LRPPRC: variants seen among roughly 807,000 people sequenced by gnomAD.
LRPPRC encodes the protein leucine-rich PPR motif-containing protein, mitochondrial.
In LRPPRC, 120 loss-of-function variants were observed where a neutral mutation model predicts 180.3. That is an observed-to-expected ratio of 0.67 (90% CI 0.57 to 0.77). LRPPRC has a LOEUF of 0.77. LRPPRC is among the 30% of genes least tolerant of loss of function. The pLI is 0.00. For missense variants in LRPPRC, 2,012 were observed against 1,657.2 expected, an observed-to-expected ratio of 1.21 and a Z score of -3.72; for synonymous variants, 723 against 600.0, an observed-to-expected ratio of 1.21 and a Z score of -3.00.
At chr2:43,911,123 T>C (rs1056826475) in intron 30 of LRPPRC, among the ~76,000 whole-genome samples, 4 of 147,730 alleles carry the variant, frequency 2.7e-5, no homozygotes, top group African/African-American at 7.6e-5. Context: ...TCCAAGTCAC[T>C]AATTAAGGGT....
At chr2:43,965,307 C>T (rs553821630) in intron 11 of LRPPRC, among the ~76,000 whole-genome samples, 1 of 152,290 alleles carries the variant, frequency 6.6e-6, no homozygotes, top group South Asian at 2.1e-4. Context: ...GATCTGCCCG[C>T]CTCAGCCTCC....
intron 1 of LRPPRC, among the ~76,000 whole-genome samples, 171 bp from the exon 2 acceptor site, chr2:43,982,605 A>T (rs950887905): frequency 6.6e-6 from 1 of 152,246 alleles, no homozygotes. Context: ...TTTACTTTAG[A>T]TAAAATCATA....
intron 12 of LRPPRC, among the ~76,000 whole-genome samples, chr2:43,962,199 G>A (rs12712901): frequency 0.41 from 62,399 of 151,958 alleles, 13,567 homozygotes; most frequent in Non-Finnish European, 0.49. Context: ...ACACTGATCT[G>A]GGGGCTGTAT....
At position 43,896,741 on chromosome 2, in the gene LRPPRC, GT is replaced by G. The variant is rs775882711; in HGVS notation, c.3826-34del. 5 of 1,265,596 alleles carry G rather than the reference GT, an allele frequency of 4.0e-6. No individual in the cohort carries two copies. In the African/African-American group the frequency reaches 7.3e-5, roughly 19 times the overall value. 78.4% of individuals were successfully genotyped at this position (1,265,596 alleles called of 1,614,324 possible). ...TTAAAACATTATTCAGTAAGTGAAGGTTTCTGATAAACAAGTGGATCAAACT... is the reference window on the plus strand; with the variant it reads ...TTAAAACATTATTCAGTAAGTGAAGGTTCTGATAAACAAGTGGATCAAACT... On this transcript the variant is annotated intron_variant, in intron 34 of 37. Transcript: ENST00000260665.
chr2:43,924,078 T>C (rs1671791387), intron 27 of LRPPRC, among the ~76,000 whole-genome samples: 1 of 152,222 alleles, frequency 6.6e-6, no homozygotes, highest in Non-Finnish European at 1.5e-5. Flanking sequence ...AAGTTTAATT[T>C]TATTTACATC....
chr2:43,907,845 TCTGAAATGACAG>T (rs1253213706), intron 30 of LRPPRC, among the ~76,000 whole-genome samples: 3 of 152,188 alleles, frequency 2.0e-5, no homozygotes, highest in Admixed American at 6.5e-5. Flanking sequence ...AATTTATTGC[TCTGAAATGACAG>T]CCTTTCAAAT....
Position 43,982,932 on chromosome 2 carries a change from G to T in LRPPRC, c.150-498C>A, listed in dbSNP as rs568503062. Among the ~76,000 whole-genome samples the T allele has an allele frequency of 2.1e-3, 313 of 145,876 alleles. 1 individual carries two copies. Among genetic ancestry groups the T allele is most frequent in the Non-Finnish European group, 2.4e-3 (159 of 66,050 alleles). Reference sequence around the variant, plus strand: ...AATGTCCAGGCTAAAACGATGCAGGGTTTTTTTTTTTAAGGATCATTTAGG... The same window carrying T: ...AATGTCCAGGCTAAAACGATGCAGGTTTTTTTTTTTTAAGGATCATTTAGG... On this transcript the variant is annotated intron_variant, in intron 1 of 37. Coordinates refer to ENST00000260665, the MANE Select transcript of LRPPRC (RefSeq NM_133259.4).
At chr2:43,995,090 A>G (rs1369917190) in intron 1 of LRPPRC, among the ~76,000 whole-genome samples, 2 of 152,020 alleles carry the variant, frequency 1.3e-5, no homozygotes, top group Non-Finnish European at 2.9e-5. Context: ...AAAGTACAAA[A>G]GTTAGCCTGG....
intron 16 of LRPPRC, among the ~76,000 whole-genome samples, chr2:43,949,122 A>G (rs1672803948): frequency 6.6e-6 from 1 of 152,186 alleles, no homozygotes; most frequent in Non-Finnish European, 1.5e-5. Context: ...AGAAATGTAA[A>G]CTTTCAAGAG....
At chr2:43,934,325 T>A in intron 24 of LRPPRC, 29 bp from the exon 25 acceptor site, 2 of 1,091,760 alleles carry the variant, frequency 1.8e-6, no homozygotes, top group Non-Finnish European at 2.8e-6. Flanking sequence ...AATATATATA[T>A]TAGGAGAAAA....
At chr2:43,954,197 A>T (rs774291115) in intron 14 of LRPPRC, among the ~76,000 whole-genome samples, 5 of 152,208 alleles carry the variant, frequency 3.3e-5, no homozygotes, top group Non-Finnish European at 7.3e-5. Context: ...AAAAAAAAAC[A>T]TATTTCACAT....
chr2:43,977,530 A>T (rs1459621233), intron 3 of LRPPRC, among the ~76,000 whole-genome samples: 7 of 152,142 alleles, frequency 4.6e-5, no homozygotes, highest in Non-Finnish European at 1.0e-4. Flanking sequence ...CTTACTTATG[A>T]AGCACAAAAT....
In LRPPRC at chr2:43,918,332, G is replaced by T. The variant is rs373038345; in HGVS notation, c.2963C>A (p.Pro988His). The T allele has an allele frequency of 6.2e-7, 1 of 1,609,454 alleles. No homozygotes were observed. The highest frequency in any genetic ancestry group is 1.3e-5 in the African/African-American group (1 of 74,780). ...TAATAATCTTAATGTCTTTTCACGA[G>T]GAATAACATTTTCTTCTTGGATTTT... ...WNKIQEENVIPREKTLRLLAE... is the reference protein window; with the variant it reads ...WNKIQEENVIHREKTLRLLAE... Residue 988 changes from proline (P) to histidine (H), a missense_variant, in exon 28 of 38, where the codon CCT (proline) becomes CAT (histidine). Coordinates refer to ENST00000260665, the MANE Select transcript of LRPPRC (RefSeq NM_133259.4).
intron 11 of LRPPRC, 96 bp from the exon 12 acceptor site, chr2:43,963,802 A>G (rs1673450075): frequency 1.3e-6 from 1 of 791,376 alleles, no homozygotes; most frequent in Non-Finnish European, 2.3e-6. Context: ...GAATCACAGT[A>G]TAAGAAAATT....
chr2:43,912,493 T>C lies in LRPPRC; in HGVS notation c.3214A>G (p.Asn1072Asp), dbSNP rs748947138. 1 of 1,596,622 alleles carries C rather than the reference T, an allele frequency of 6.3e-7. No individual in the cohort carries two copies. The highest frequency in any genetic ancestry group is 8.6e-7 in the Non-Finnish European group (1 of 1,164,378). The change falls in exon 30 of 38, where the codon AAT becomes GAT. Residue 1072 changes from asparagine to aspartate, a missense_variant. Asn to Asp is a conservative substitution (Grantham distance 23, BLOSUM62 1). Transcript: ENST00000260665. ...TCTGACATCAGTAATTTAATGAGATTGCTGTAGGTTTCAGCATTAAACACA... is the reference window on the plus strand; with the variant it reads ...TCTGACATCAGTAATTTAATGAGATCGCTGTAGGTTTCAGCATTAAACACA... ...NIVFNAETYS[N>D]LIKLLMSEDY...
At chr2:43,965,666 G>A (rs1358016383) in intron 11 of LRPPRC, among the ~76,000 whole-genome samples, 1 of 152,018 alleles carries the variant, frequency 6.6e-6, no homozygotes, top group Non-Finnish European at 1.5e-5. Flanking sequence ...AATTTCAATA[G>A]CAAAAAAACC....
intron 1 of LRPPRC, among the ~76,000 whole-genome samples, chr2:43,991,279 G>C (rs867036310): frequency 4.9e-4 from 74 of 152,084 alleles, no homozygotes; most frequent in African/African-American, 1.7e-3. Context: ...TGATCTGCCC[G>C]CCTCGGCCTC....
chr2:43,978,602 T>C (rs1422976371), intron 3 of LRPPRC, among the ~76,000 whole-genome samples: 1 of 152,102 alleles, frequency 6.6e-6, no homozygotes, highest in East Asian at 1.9e-4. Flanking sequence ...TTAGCTTTAC[T>C]TTTCTGCTCC....
At chr2:43,970,131 C>T (rs1673739368) in intron 11 of LRPPRC, among the ~76,000 whole-genome samples, 1 of 152,172 alleles carries the variant, frequency 6.6e-6, no homozygotes, top group Non-Finnish European at 1.5e-5. Context: ...GATTCTTATT[C>T]TTACAGGAAA....
Sources: allele counts gnomAD v4.1 joint callset (sites outside exome capture counted in the v4.1 genomes callset), GRCh38; gene constraint gnomAD v4.1.1; transcripts MANE v1.5; gene names NCBI Gene and HGNC (gene_info 2026-07-23, HGNC 2026-07-21).